The following SERPINI2 variants were observed in gnomAD, a reference collection of about 807,000 sequenced individuals.
SERPINI2 encodes serpin I2.
SERPINI2 carries 48 observed loss-of-function variants against 47.3 expected under a neutral mutation model. The observed-to-expected ratio is 1.02, with a 90% confidence interval of 0.81 to 1.29. The LOEUF is 1.29. SERPINI2 is among the 50% of genes most tolerant of loss of function. The probability of loss-of-function intolerance (pLI) is 0.00; values close to 1 mark genes in which losing one functional copy is unlikely to be tolerated. For missense variants in SERPINI2, 448 were observed against 456.9 expected, an observed-to-expected ratio of 0.98 and a Z score of 0.18; for synonymous variants, 135 against 149.3, an observed-to-expected ratio of 0.90 and a Z score of 0.70.
intron 8 of SERPINI2, among the ~76,000 whole-genome samples, chr3:167,444,863 C>T (rs936411744): frequency 2.2e-4 from 34 of 152,062 alleles, no homozygotes; most frequent in African/African-American, 7.5e-4. Flanking sequence ...GTTACTTGGC[C>T]TTTGCATATA....
chr3:167,448,278 C>T (rs1288844963), intron 7 of SERPINI2, among the ~76,000 whole-genome samples: 2 of 152,160 alleles, frequency 1.3e-5, no homozygotes, highest in Non-Finnish European at 2.9e-5. Flanking sequence ...CTGATTCAGT[C>T]GGTCTAGGGT....
At chr3:167,446,905 T>C (rs1749495573) in intron 7 of SERPINI2, 1 of 152,352 alleles carries the variant, frequency 6.6e-6, no homozygotes, top group Admixed American at 6.5e-5. Flanking sequence ...GAGCTCAAAT[T>C]AATTTTTTTT....
intron 7 of SERPINI2, among the ~76,000 whole-genome samples, chr3:167,447,228 T>C (rs2108151308): frequency 6.6e-6 from 1 of 152,302 alleles, no homozygotes; most frequent in Admixed American, 6.5e-5. Flanking sequence ...TCACTATGTA[T>C]CATTAGAATT....
chr3:167,465,642 T>C, exon 4 of SERPINI2: 1 of 1,611,134 alleles, frequency 6.2e-7, no homozygotes, highest in Non-Finnish European at 8.5e-7. Flanking sequence ...GAGGGCCAAA[T>C]TCTTCCCCTG....
chr3:167,445,787 A>G (rs1749462230), intron 8 of SERPINI2, among the ~76,000 whole-genome samples: 1 of 152,164 alleles, frequency 6.6e-6, no homozygotes, highest in African/African-American at 2.4e-5. Flanking sequence ...CATCCAGACA[A>G]TCTGAATTTC....
chr3:167,465,254 T>C (rs780088811), exon 5 of SERPINI2: 1 of 1,612,240 alleles, frequency 6.2e-7, no homozygotes, highest in Non-Finnish European at 8.5e-7. Flanking sequence ...AGAGAGCCAT[T>C]TTAGGATTTG....
At chr3:167,442,082 C>T in exon 9 of SERPINI2, 2 of 1,545,802 alleles carry the variant, frequency 1.3e-6, no homozygotes, top group South Asian at 1.2e-5. Context: ...GAGAAATCAT[C>T]TTTTATTCTG....
Position 167,446,375 on chromosome 3 carries a change from A to G in SERPINI2, c.1141+17T>C. ...TTAACATAATCAGTTCCCCCAAATA[A>G]TTCTCAAAAAAGGTACCTGTTGGAT... On this transcript the variant is annotated intron_variant, in intron 8 of 8. Transcript: ENST00000264677. 6.5e-7 allele frequency: 1 copy of G among 1,533,272 alleles called. No individual in the cohort carries two copies. The highest frequency in any genetic ancestry group is 9.0e-7 in the Non-Finnish European group (1 of 1,114,476). 95.0% of individuals were successfully genotyped at this position (1,533,272 alleles called of 1,614,324 possible). A position where few individuals can be genotyped will look rare whatever the true frequency, so the allele number is the denominator to read the frequency against.
At chr3:167,453,944 A>G (rs1372282029) in intron 5 of SERPINI2, among the ~76,000 whole-genome samples, 1 of 152,260 alleles carries the variant, frequency 6.6e-6, no homozygotes. Flanking sequence ...TGCATTTTAA[A>G]TACAGATCAG....
intron 1 of SERPINI2, among the ~76,000 whole-genome samples, chr3:167,473,319 A>G (rs1456998478): frequency 2.0e-5 from 3 of 151,746 alleles, no homozygotes; most frequent in Admixed American, 6.6e-5. Context: ...GAGCTTATAA[A>G]TGAGAGTGCA....
chr3:167,451,640 A>G (rs1749643729), intron 6 of SERPINI2, among the ~76,000 whole-genome samples: 1 of 152,244 alleles, frequency 6.6e-6, no homozygotes, highest in African/African-American at 2.4e-5. Flanking sequence ...TTTCTTGAAT[A>G]AAGTCTTTTA....
chr3:167,462,761 C>T (rs971464678), intron 5 of SERPINI2, among the ~76,000 whole-genome samples: 4 of 151,922 alleles, frequency 2.6e-5, no homozygotes, highest in African/African-American at 7.3e-5. Flanking sequence ...ATGCTGATAA[C>T]AAGGCCAAAC....
At chr3:167,443,578 G>A (rs1293691928) in intron 8 of SERPINI2, among the ~76,000 whole-genome samples, 1 of 152,010 alleles carries the variant, frequency 6.6e-6, no homozygotes, top group South Asian at 2.1e-4. Context: ...AATAAGCAGC[G>A]ACTCCTATAT....
At chr3:167,443,389 G>A (rs550424809) in intron 8 of SERPINI2, among the ~76,000 whole-genome samples, 17 of 152,208 alleles carry the variant, frequency 1.1e-4, no homozygotes, top group African/African-American at 4.8e-5. Context: ...TTACAGGCGT[G>A]AGCCACCGCG....
exon 6 of SERPINI2, chr3:167,453,026 C>A (rs1294625728): frequency 1.3e-6 from 2 of 1,537,198 alleles, no homozygotes; most frequent in Admixed American, 2.0e-5. Context: ...TTTTGTTCTA[C>A]TTTAAATCTG....
intron 6 of SERPINI2, among the ~76,000 whole-genome samples, chr3:167,451,297 C>T (rs1445614610): frequency 6.6e-6 from 1 of 152,194 alleles, no homozygotes; most frequent in African/African-American, 2.4e-5. Flanking sequence ...ATTTTTCTAA[C>T]AGTTTCCAAA....
At chr3:167,466,406 A>G (rs1199222269) in intron 3 of SERPINI2, among the ~76,000 whole-genome samples, 6 of 152,228 alleles carry the variant, frequency 3.9e-5, no homozygotes, top group Non-Finnish European at 7.3e-5. Flanking sequence ...AGGGCTTGGT[A>G]TATGCTTGTC....
At chr3:167,467,015 C>A in intron 3 of SERPINI2, 40 bp downstream of exon 3, 1 of 1,454,664 alleles carries the variant, frequency 6.9e-7, no homozygotes, top group Non-Finnish European at 9.5e-7. Flanking sequence ...ACCATGAATA[C>A]AATGGCAAAT....
chr3:167,462,357 C>G (rs1750006250), intron 5 of SERPINI2, among the ~76,000 whole-genome samples: 1 of 152,158 alleles, frequency 6.6e-6, no homozygotes, highest in Admixed American at 6.5e-5. Flanking sequence ...GGTCTTAAAT[C>G]AAGATGTCAG....
Sources: allele counts gnomAD v4.1 joint callset (sites outside exome capture counted in the v4.1 genomes callset), GRCh38; gene constraint gnomAD v4.1.1; transcripts MANE v1.5; gene names NCBI Gene and HGNC (gene_info 2026-07-23, HGNC 2026-07-21).